The following NPAS3 variants were observed in gnomAD, a reference collection of about 807,000 sequenced individuals.
The protein encoded by NPAS3 is neuronal PAS domain-containing protein 3.
A neutral mutation model predicts 73.1 loss-of-function variants in NPAS3; 14 were observed. The ratio of observed to expected loss-of-function variants is 0.19; its 90% CI spans 0.13 to 0.30. The LOEUF (loss-of-function observed/expected upper bound fraction) is 0.30. NPAS3 is among the 10% of genes least tolerant of loss of function. NPAS3 has a pLI of 1.00. For synonymous variants in NPAS3, 620 were observed against 541.5 expected (o/e 1.14, Z -2.01); for missense variants, 1,096 against 1,250.0 (o/e 0.88, Z 1.86).
At chr14:32,994,053 A>G (rs1223886732) in intron 1 of NPAS3, among the ~76,000 whole-genome samples, 1 of 152,232 alleles carries the variant, frequency 6.6e-6, no homozygotes, top group Non-Finnish European at 1.5e-5. Flanking sequence ...ATAAATATGC[A>G]GAGATATCAT....
chr14:33,621,557 G>T (rs531151508), intron 5 of NPAS3, among the ~76,000 whole-genome samples: 1 of 152,074 alleles, frequency 6.6e-6, no homozygotes, highest in African/African-American at 2.4e-5. Context: ...CCCCACTATG[G>T]TTAAATTTTT....
intron 2 of NPAS3, chr14:33,213,988 G>A (rs2047130268): frequency 6.6e-6 from 1 of 152,094 alleles, no homozygotes; most frequent in Non-Finnish European, 1.5e-5. Flanking sequence ...GAGCCTTGCT[G>A]CTGAACCAAT....
intron 7 of NPAS3, among the ~76,000 whole-genome samples, chr14:33,772,777 C>T (rs1306454860): frequency 6.6e-6 from 1 of 152,146 alleles, no homozygotes; most frequent in Non-Finnish European, 1.5e-5. Context: ...AGCATCCTTG[C>T]CTCTAGGAAC....
chr14:33,582,011 A>AAATTGTATTTATCCTGTCAAATATACTC (rs2056684083), intron 5 of NPAS3: 1 of 152,202 alleles, frequency 6.6e-6, no homozygotes. Flanking sequence ...TGTATATTGC[A>AAATTGTATTTATCCTGTCAAATATACTC]AATTGTATTT....
chr14:33,388,599 A>G (rs1329168181), intron 4 of NPAS3, among the ~76,000 whole-genome samples: 1 of 152,146 alleles, frequency 6.6e-6, no homozygotes, highest in African/African-American at 2.4e-5. Flanking sequence ...ATTAAGTTAT[A>G]ACTTGAGGCT....
At chr14:33,392,914 C>T (rs888432469) in intron 4 of NPAS3, among the ~76,000 whole-genome samples, 2 of 152,038 alleles carry the variant, frequency 1.3e-5, no homozygotes, top group Admixed American at 6.6e-5. Flanking sequence ...CCTCTCATGG[C>T]CATGGCTATG....
At chr14:33,264,447 T>A (rs1289696993) in intron 3 of NPAS3, among the ~76,000 whole-genome samples, 1 of 152,076 alleles carries the variant, frequency 6.6e-6, no homozygotes, top group Non-Finnish European at 1.5e-5. Context: ...AAGTAACTGA[T>A]TTGAGAATGA....
intron 2 of NPAS3, among the ~76,000 whole-genome samples, chr14:33,197,875 C>T (rs1002217327): frequency 4.6e-5 from 7 of 152,178 alleles, no homozygotes; most frequent in Non-Finnish European, 7.3e-5. Context: ...AGAACGAAGC[C>T]GCGGACCCTC....
At chr14:33,025,264 TG>T (rs987847090) in intron 1 of NPAS3, among the ~76,000 whole-genome samples, 30 of 152,184 alleles carry the variant, frequency 2.0e-4, no homozygotes, top group African/African-American at 7.0e-4. Flanking sequence ...TGTAAGACCT[TG>T]GGTAAGGCAC....
intron 3 of NPAS3, among the ~76,000 whole-genome samples, chr14:33,331,563 C>T (rs1475420321): frequency 6.8e-6 from 1 of 147,416 alleles, no homozygotes; most frequent in Non-Finnish European, 1.5e-5. Flanking sequence ...TTTTTCTATT[C>T]CCCCTTACTG....
At chr14:33,556,091 A>T (rs931656477) in intron 4 of NPAS3, among the ~76,000 whole-genome samples, 2 of 152,212 alleles carry the variant, frequency 1.3e-5, no homozygotes, top group East Asian at 1.9e-4. Context: ...TGCCAAAAAA[A>T]ACTGGCCAGT....
Position 33,508,963 on chromosome 14 carries a change from A to T in NPAS3, c.469-51158A>T, listed in dbSNP as rs1439434165. On this transcript the variant is annotated intron_variant, in intron 4 of 11. Transcript: ENST00000356141. ...ATGAGGTCTCTGTTCATGCTCTAAG[A>T]GTGATTTTACTGTTTCAGAGGGTGG... 2.6e-5 allele frequency among the ~76,000 whole-genome samples: 4 copies of T among 151,770 alleles called. No individual in the cohort carries two copies. In the East Asian group the frequency reaches 7.8e-4, roughly 30 times the overall value.
At chr14:33,245,793 T>TA (rs1422489545) in intron 3 of NPAS3, among the ~76,000 whole-genome samples, 1 of 152,184 alleles carries the variant, frequency 6.6e-6, no homozygotes, top group African/African-American at 2.4e-5. Context: ...GACACTGTAT[T>TA]AGTGAGAAAG....
At chr14:32,974,511 A>G (rs189744760) in intron 1 of NPAS3, among the ~76,000 whole-genome samples, 3 of 152,378 alleles carry the variant, frequency 2.0e-5, no homozygotes, top group Admixed American at 2.0e-4. Flanking sequence ...GCAGATAATC[A>G]GAAAAATTGG....
At chr14:33,664,362 A>T (rs1354089458) in intron 5 of NPAS3, among the ~76,000 whole-genome samples, 1 of 152,222 alleles carries the variant, frequency 6.6e-6, no homozygotes, top group Non-Finnish European at 1.5e-5. Context: ...TTATACAAAA[A>T]TTAACTCGAG....
At chr14:33,699,506 G>T (rs1237505952) in intron 6 of NPAS3, among the ~76,000 whole-genome samples, 2 of 152,128 alleles carry the variant, frequency 1.3e-5, no homozygotes, top group Non-Finnish European at 2.9e-5. Flanking sequence ...CGCCAGGAAA[G>T]TGGCTGCATT....
At chr14:33,637,310 A>G (rs1335926426) in intron 5 of NPAS3, among the ~76,000 whole-genome samples, 1 of 152,220 alleles carries the variant, frequency 6.6e-6, no homozygotes, top group Non-Finnish European at 1.5e-5. Context: ...TATGATTTCT[A>G]ATTTCATAAT....
At chr14:33,006,445 A>G (rs1042322800) in intron 1 of NPAS3, among the ~76,000 whole-genome samples, 1 of 152,122 alleles carries the variant, frequency 6.6e-6, no homozygotes, top group Admixed American at 6.5e-5. Context: ...TTTCCACACA[A>G]CAACAGCGCT....
intron 1 of NPAS3, among the ~76,000 whole-genome samples, chr14:32,971,431 A>T (rs2037420144): frequency 6.6e-6 from 1 of 152,162 alleles, no homozygotes; most frequent in South Asian, 2.1e-4. Context: ...TCTCTAAAAT[A>T]AAGATAGTTT....
Sources: gnomAD v4.1 joint callset for allele counts (sites outside exome capture counted in the v4.1 genomes callset) on GRCh38, gnomAD v4.1.1 for gene constraint, MANE v1.5 for transcripts, NCBI Gene and HGNC (gene_info 2026-07-23, HGNC 2026-07-21) for gene names.